Variants in CHCHD3 observed in about 807,000 individuals in gnomAD.
CHCHD3 encodes the protein MICOS complex subunit MIC19.
A neutral mutation model predicts 38.2 loss-of-function variants in CHCHD3; 20 were observed. The ratio of observed to expected loss-of-function variants is 0.52; its 90% CI spans 0.37 to 0.76. CHCHD3 has a LOEUF of 0.76. Among genes scored for constraint, CHCHD3 ranks in the 30% least tolerant of loss-of-function variants. CHCHD3 has a pLI of 0.00. For missense variants in CHCHD3, 245 were observed against 279.2 expected (o/e 0.88, Z 0.87); for synonymous variants, 82 against 100.0 (o/e 0.82, Z 1.07).
At chr7:132,860,823 C>T (rs1808472614) in intron 5 of CHCHD3, among the ~76,000 whole-genome samples, 1 of 152,148 alleles carries the variant, frequency 6.6e-6, no homozygotes, top group Non-Finnish European at 1.5e-5. Flanking sequence ...AAGGTTTCAC[C>T]ATGTTGCCTG....
chr7:132,990,943 G>GACACACAT (rs1300488465), intron 3 of CHCHD3, among the ~76,000 whole-genome samples: 1 of 79,426 alleles, frequency 1.3e-5, no homozygotes, highest in Non-Finnish European at 2.6e-5. Context: ...CCCCTACACA[G>GACACACAT]ACACACATAC....
chr7:132,798,119 ACTAAG>A (rs1290150074), intron 6 of CHCHD3, among the ~76,000 whole-genome samples: 2 of 152,176 alleles, frequency 1.3e-5, no homozygotes, highest in Non-Finnish European at 2.9e-5. Context: ...TATCCAGTAC[ACTAAG>A]CTAATATATA....
chr7:132,902,330 A>G (rs1809689860), intron 4 of CHCHD3, among the ~76,000 whole-genome samples: 1 of 152,240 alleles, frequency 6.6e-6, no homozygotes, highest in Admixed American at 6.5e-5. Context: ...ATATACCCAA[A>G]GGATTATAAG....
rs376047191 is a variant in CHCHD3 at position 132,800,209 on chromosome 7, C to G, written c.525-3632G>C. On this transcript the variant is annotated intron_variant, in intron 6 of 7. Coordinates refer to ENST00000262570, the MANE Select transcript of CHCHD3 (RefSeq NM_017812.4). ...CATTTAGGCTGTTTCTAATTTTTCA[C>G]TGCTTAAAAAACATGGTGAAGGACA... 3.3e-5 allele frequency among the ~76,000 whole-genome samples: 5 copies of G among 152,132 alleles called. 1 individual carries two copies. In the East Asian group the frequency reaches 7.7e-4, roughly 23 times the overall value.
intron 4 of CHCHD3, among the ~76,000 whole-genome samples, chr7:132,938,189 AC>A: frequency 6.6e-6 from 1 of 152,302 alleles, no homozygotes; most frequent in East Asian, 1.9e-4. Flanking sequence ...CTTACAAGGC[AC>A]TTTCATCTAC....
chr7:132,915,824 T>C (rs1451324102), intron 4 of CHCHD3, among the ~76,000 whole-genome samples: 1 of 152,184 alleles, frequency 6.6e-6, no homozygotes, highest in Non-Finnish European at 1.5e-5. Flanking sequence ...TAGCCAATCC[T>C]TGAACTTCTT....
rs143178153 is a variant in CHCHD3 at position 132,858,502 on chromosome 7, CGT to C, written c.454-20035_454-20034del. Among the ~76,000 whole-genome samples, 73 of 152,328 alleles carry C rather than the reference CGT, an allele frequency of 4.8e-4. 1 individual carries two copies. The East Asian group carries it at 0.013, about 28-fold the overall frequency. ...CTAACACAACCCCTCAAGCAGATGG[CGT>C]GTGCCAGCCCTTGCCCCAATCATCC... is the stretch of plus-strand genomic sequence containing the variant. On this transcript the variant is annotated intron_variant, in intron 5 of 7. Coordinates refer to ENST00000262570, the MANE Select transcript of CHCHD3 (RefSeq NM_017812.4).
intron 4 of CHCHD3, among the ~76,000 whole-genome samples, chr7:132,946,295 C>G (rs1324701181): frequency 6.6e-6 from 1 of 151,594 alleles, no homozygotes; most frequent in Non-Finnish European, 1.5e-5. Context: ...ATTTTAATAC[C>G]TTTGAAATGT....
intron 4 of CHCHD3, among the ~76,000 whole-genome samples, chr7:132,955,405 T>G (rs1350436414): frequency 6.6e-6 from 1 of 151,968 alleles, no homozygotes; most frequent in Non-Finnish European, 1.5e-5. Flanking sequence ...TACTTGTTAG[T>G]TTTTTTCATC....
chr7:132,829,850 C>T (rs1355972428), intron 6 of CHCHD3, among the ~76,000 whole-genome samples: 1 of 152,114 alleles, frequency 6.6e-6, no homozygotes, highest in Admixed American at 6.6e-5. Flanking sequence ...CTCTCTTGTC[C>T]TTGGTGTACA....
At chr7:132,805,947 T>G (rs986143215) in intron 6 of CHCHD3, among the ~76,000 whole-genome samples, 7 of 152,152 alleles carry the variant, frequency 4.6e-5, no homozygotes, top group Admixed American at 3.9e-4. Flanking sequence ...CTCACCACGA[T>G]CTAAAGCGTG....
In CHCHD3 at chr7:132,820,611, GTT is replaced by G. The variant is rs748470167; in HGVS notation, c.524+17786_524+17787del. On this transcript the variant is annotated intron_variant, in intron 6 of 7. Transcript: ENST00000262570. ...CACAAACATGGGAAAATGTGCTAGT[GTT>G]TTTTTTTTTTTTTTTTTTTTTTTAT... is the stretch of plus-strand genomic sequence containing the variant. 7.6e-3 allele frequency among the ~76,000 whole-genome samples: 733 copies of G among 96,170 alleles called. 1 individual carries two copies. Among genetic ancestry groups the G allele is most frequent in the Middle Eastern group, 0.019 (3 of 160 alleles). 63.1% of individuals were successfully genotyped at this position (96,170 alleles called of 152,430 possible).
intron 4 of CHCHD3, among the ~76,000 whole-genome samples, chr7:132,896,993 A>G (rs1037935948): frequency 1.8e-4 from 28 of 152,224 alleles, no homozygotes; most frequent in Admixed American, 3.9e-4. Context: ...GGCGTTATCA[A>G]CTACTGAATG....
At chr7:132,974,380 T>G (rs1811703496) in intron 4 of CHCHD3, among the ~76,000 whole-genome samples, 1 of 152,268 alleles carries the variant, frequency 6.6e-6, no homozygotes, top group East Asian at 1.9e-4. Context: ...TTTAAAAAAA[T>G]TATCTTAGAA....
chr7:132,812,176 T>C (rs889491412), intron 6 of CHCHD3, among the ~76,000 whole-genome samples: 5 of 151,528 alleles, frequency 3.3e-5, no homozygotes, highest in African/African-American at 9.7e-5. Flanking sequence ...AGATCTAGAA[T>C]TGACCACTTC....
At chr7:132,849,839 A>G (rs1345491309) in intron 5 of CHCHD3, among the ~76,000 whole-genome samples, 1 of 152,174 alleles carries the variant, frequency 6.6e-6, no homozygotes, top group African/African-American at 2.4e-5. Context: ...TTGGGACATA[A>G]GCTGACCTTA....
intron 3 of CHCHD3, among the ~76,000 whole-genome samples, chr7:133,021,453 C>A (rs553334121): frequency 1.0e-3 from 156 of 152,264 alleles, no homozygotes; most frequent in African/African-American, 3.6e-3. Context: ...TCTCCCCTTG[C>A]TAATGGTTTT....
intron 2 of CHCHD3, among the ~76,000 whole-genome samples, chr7:133,044,337 T>C (rs80001302): frequency 0.051 from 7,766 of 152,298 alleles, 608 homozygotes; most frequent in African/African-American, 0.17. Context: ...TCATTTAAGT[T>C]CCCAGTTGGG....
intron 4 of CHCHD3, chr7:132,972,959 C>A: frequency 1.0e-6 from 1 of 985,422 alleles, no homozygotes; most frequent in Non-Finnish European, 1.2e-6. Context: ...GAACAGACTG[C>A]AGATATGCTA....
Sources: gnomAD v4.1 joint callset for allele counts (sites outside exome capture counted in the v4.1 genomes callset) on GRCh38, gnomAD v4.1.1 for gene constraint, MANE v1.5 for transcripts, NCBI Gene and HGNC (gene_info 2026-07-23, HGNC 2026-07-21) for gene names.